KIDINS220: variants seen among roughly 807,000 people sequenced by gnomAD.
The protein encoded by KIDINS220 is kinase D interacting substrate 220, also known as kinase D-interacting substrate of 220 kDa.
A neutral mutation model predicts 157.6 loss-of-function variants in KIDINS220; 63 were observed. The observed-to-expected ratio is 0.40, with a 90% CI of 0.33 to 0.49. The LOEUF is 0.49. Among genes scored for constraint, KIDINS220 ranks in the 20% least tolerant of loss-of-function variants. The pLI is 0.66. For missense variants in KIDINS220, 1,772 were observed against 2,171.2 expected, an observed-to-expected ratio of 0.82 and a Z score of 3.65; for synonymous variants, 732 against 783.6, an observed-to-expected ratio of 0.93 and a Z score of 1.10.
chr2:8,758,024 G>A (rs1003221663), intron 22 of KIDINS220, among the ~76,000 whole-genome samples: 14 of 152,106 alleles, frequency 9.2e-5, no homozygotes, highest in African/African-American at 3.1e-4. Context: ...CACCACGCCT[G>A]GCTAATTTTT....
At chr2:8,762,451 C>T (rs1464034958) in intron 22 of KIDINS220, among the ~76,000 whole-genome samples, 2 of 152,050 alleles carry the variant, frequency 1.3e-5, no homozygotes, top group South Asian at 4.1e-4. Context: ...AAAAGAAAAC[C>T]TATTGGCTGG....
At chr2:8,735,826 C>A (rs772845164) in intron 27 of KIDINS220, among the ~76,000 whole-genome samples, 2 of 152,162 alleles carry the variant, frequency 1.3e-5, no homozygotes, top group East Asian at 1.9e-4. Flanking sequence ...AGGAGGCCAG[C>A]GGCTCTGAGG....
chr2:8,837,260 G>A (rs1284301976), intron 1 of KIDINS220, among the ~76,000 whole-genome samples: 1 of 151,988 alleles, frequency 6.6e-6, no homozygotes, highest in African/African-American at 2.4e-5. Flanking sequence ...CCTTCCCGGC[G>A]CTCCAGGAAA....
chr2:8,834,108 C>T (rs781632012), intron 1 of KIDINS220, among the ~76,000 whole-genome samples: 1 of 152,132 alleles, frequency 6.6e-6, no homozygotes, highest in Non-Finnish European at 1.5e-5. Context: ...CAACAATCAC[C>T]CCTGTGCAGT....
At chr2:8,782,887 T>C (rs553170961) in intron 17 of KIDINS220, among the ~76,000 whole-genome samples, 1 of 152,262 alleles carries the variant, frequency 6.6e-6, no homozygotes, top group South Asian at 2.1e-4. Context: ...AATCAATTAA[T>C]GTAATCCATC....
rs1189040516 is a variant in KIDINS220 at position 8,762,244 on chromosome 2, A to C, written c.3011+8426T>G. Among the ~76,000 whole-genome samples, 4 of 152,330 alleles carry C rather than the reference A, an allele frequency of 2.6e-5. No homozygotes were observed. In the East Asian group the frequency reaches 7.7e-4, roughly 29 times the overall value. ...GTTCTATATACTTTTTCAATGTTAA[A>C]TCTTTTAAGATAACTCGTACAATAA... On this transcript the variant is annotated intron_variant, in intron 22 of 29. Transcript: ENST00000256707.
At chr2:8,798,078 G>T in intron 10 of KIDINS220, 124 bp downstream of exon 10, 2 of 604,266 alleles carry the variant, frequency 3.3e-6, no homozygotes, top group Non-Finnish European at 5.8e-6. Flanking sequence ...TCCTCAATGT[G>T]ATAGAGAATA....
Position 8,837,561 on chromosome 2 carries a change from A to T in KIDINS220, c.-118T>A, listed in dbSNP as rs1336124240. ...GGGGAAGCAAGAGACGGCGACTGCA[A>T]GCGCGTCGCCCTCACCACACCCGGC... On this transcript the variant is annotated 5_prime_UTR_variant, in exon 1 of 30. In the 5' UTR this introduces an upstream ATG that the reference lacks. Coordinates refer to ENST00000256707, the MANE Select transcript of KIDINS220 (RefSeq NM_020738.4). 1 of 152,280 alleles carries T rather than the reference A, an allele frequency of 6.6e-6. No individual in the cohort carries two copies. Among genetic ancestry groups the T allele is most frequent in the Non-Finnish European group, 1.5e-5 (1 of 68,114 alleles). 9.4% of individuals were successfully genotyped at this position (152,280 alleles called of 1,614,324 possible).
At chr2:8,827,327 C>T (rs1678954476) in intron 1 of KIDINS220, among the ~76,000 whole-genome samples, 198 bp from the exon 2 acceptor site, 1 of 152,128 alleles carries the variant, frequency 6.6e-6, no homozygotes, top group Admixed American at 6.5e-5. Flanking sequence ...TCACCTCCAT[C>T]TTAACTTATC....
intron 2 of KIDINS220, among the ~76,000 whole-genome samples, chr2:8,819,702 G>A (rs1285240216): frequency 6.6e-6 from 1 of 152,096 alleles, no homozygotes; most frequent in East Asian, 1.9e-4. Flanking sequence ...GCACACGCCT[G>A]TAATCCCAGC....
chr2:8,756,981 C>T (rs76161441), intron 22 of KIDINS220, among the ~76,000 whole-genome samples: 9,618 of 152,202 alleles, frequency 0.063, 971 homozygotes, highest in African/African-American at 0.21. Context: ...AAATGATGAT[C>T]TCAATGTCAG....
At chr2:8,836,702 G>A (rs1207108657) in intron 1 of KIDINS220, among the ~76,000 whole-genome samples, 1 of 151,112 alleles carries the variant, frequency 6.6e-6, no homozygotes, top group Non-Finnish European at 1.5e-5. Context: ...CTGGTCCTCA[G>A]TGTTGTCAAA....
Position 8,793,998 on chromosome 2 carries a change from A to G in KIDINS220, c.1099-11T>C. 2 of 1,584,528 alleles carry G rather than the reference A, an allele frequency of 1.3e-6. No individual in the cohort carries two copies. The highest frequency in any genetic ancestry group is 1.7e-6 in the Non-Finnish European group (2 of 1,167,930). ...GGGAGTATCTCCTTTCTGTAAAATA[A>G]TAGTACGAAACTTGAACTTTCTTAT... On this transcript the variant is annotated splice_polypyrimidine_tract_variant and intron_variant, in intron 11 of 29. Coordinates refer to ENST00000256707, the MANE Select transcript of KIDINS220 (RefSeq NM_020738.4).
At chr2:8,746,573 T>A (rs561253764) in intron 26 of KIDINS220, 1 of 152,088 alleles carries the variant, frequency 6.6e-6, no homozygotes, top group East Asian at 1.9e-4. Flanking sequence ...CTTCTGTTTA[T>A]CTGGAAAATT....
At chr2:8,736,084 C>A (rs974709656) in intron 27 of KIDINS220, among the ~76,000 whole-genome samples, 1 of 152,168 alleles carries the variant, frequency 6.6e-6, no homozygotes, top group Non-Finnish European at 1.5e-5. Flanking sequence ...CTAAAATTGG[C>A]TGAGATGAGT....
chr2:8,815,810 G>C (rs1441297410), intron 4 of KIDINS220, among the ~76,000 whole-genome samples: 1 of 152,182 alleles, frequency 6.6e-6, no homozygotes, highest in East Asian at 1.9e-4. Context: ...TATATTTCAT[G>C]AACTCTTTCT....
chr2:8,772,941 G>A (rs982687160), intron 21 of KIDINS220, among the ~76,000 whole-genome samples: 3 of 152,024 alleles, frequency 2.0e-5, no homozygotes, highest in African/African-American at 7.2e-5. Flanking sequence ...CAAGTCTTTT[G>A]CCTTCAAATT....
intron 2 of KIDINS220, 145 bp downstream of exon 2, chr2:8,826,841 T>G: frequency 5.1e-6 from 2 of 392,758 alleles, no homozygotes; most frequent in Non-Finnish European, 9.1e-6. Context: ...TTGAAGTACT[T>G]TTAACTATAA....
chr2:8,721,806 T>C (rs1190192051), downstream of KIDINS220: 2 of 152,230 alleles, frequency 1.3e-5, no homozygotes, highest in Non-Finnish European at 1.5e-5. Flanking sequence ...AGCATCTCTG[T>C]GTCTCACTTT....
Sources: allele counts gnomAD v4.1 joint callset (sites outside exome capture counted in the v4.1 genomes callset), GRCh38; gene constraint gnomAD v4.1.1; transcripts MANE v1.5; gene names NCBI Gene and HGNC (gene_info 2026-07-23, HGNC 2026-07-21).